Variants in FOXP1 observed in about 807,000 individuals in gnomAD.
FOXP1 encodes the protein forkhead box P1.
Under a neutral mutation model 98.2 loss-of-function variants are expected in FOXP1, and 15 were observed. The ratio of observed to expected loss-of-function variants is 0.15; its 90% CI spans 0.10 to 0.24. The LOEUF (loss-of-function observed/expected upper bound fraction) is 0.24. Ranked by LOEUF, FOXP1 falls within the 10% of genes least tolerant of loss-of-function variation. FOXP1 has a pLI of 1.00. For synonymous variants in FOXP1, 371 were observed against 314.5 expected (o/e 1.18, Z -1.90); for missense variants, 633 against 848.5 (o/e 0.75, Z 3.15).
chr3:71,262,211 A>G lies in FOXP1; in HGVS notation c.-12+37609T>C, dbSNP rs933515574. On this transcript the variant is annotated intron_variant, in intron 5 of 20. Coordinates refer to ENST00000649528, the MANE Select transcript of FOXP1 (RefSeq NM_001349338.3). ...AACCCAGGAGGTGGAGGTTGCAGTG[A>G]GCCAAGATTGCGCCACTGCACTCCA... 3.1e-5 allele frequency among the ~76,000 whole-genome samples: 4 copies of G among 128,348 alleles called. No homozygotes were observed. In the Admixed American group the frequency reaches 3.7e-4, roughly 12 times the overall value. The allele number at this position is 128,348 out of a possible 152,430, so 84.2% of individuals were successfully genotyped here.
At chr3:71,106,438 C>T (rs917857055) in intron 7 of FOXP1, among the ~76,000 whole-genome samples, 23 of 152,176 alleles carry the variant, frequency 1.5e-4, no homozygotes, top group African/African-American at 4.8e-4. Flanking sequence ...CAGGTTCAAG[C>T]GATTCTCCTG....
intron 2 of FOXP1, among the ~76,000 whole-genome samples, chr3:71,573,080 A>G (rs1463180902): frequency 1.3e-5 from 2 of 152,212 alleles, no homozygotes; most frequent in African/African-American, 4.8e-5. Flanking sequence ...ATTACCTTAT[A>G]TTTAAAGAAT....
At chr3:71,276,887 A>C (rs940324028) in intron 5 of FOXP1, among the ~76,000 whole-genome samples, 1 of 151,998 alleles carries the variant, frequency 6.6e-6, no homozygotes, top group Non-Finnish European at 1.5e-5. Context: ...ATCCTTTAAC[A>C]AATCTCTCCG....
chr3:71,335,913 G>T (rs1385364253), intron 4 of FOXP1, among the ~76,000 whole-genome samples: 2 of 149,500 alleles, frequency 1.3e-5, no homozygotes, highest in African/African-American at 4.9e-5. Flanking sequence ...GCTAAGGTAG[G>T]AGACTCAGGC....
intron 3 of FOXP1, among the ~76,000 whole-genome samples, chr3:71,448,876 G>C (rs2086687542): frequency 6.6e-6 from 1 of 152,098 alleles, no homozygotes; most frequent in African/African-American, 2.4e-5. Flanking sequence ...TGGGAATGCC[G>C]GCACACGTCT....
At chr3:71,006,379 A>C (rs1471679855) in intron 12 of FOXP1, among the ~76,000 whole-genome samples, 1 of 152,148 alleles carries the variant, frequency 6.6e-6, no homozygotes, top group East Asian at 1.9e-4. Flanking sequence ...AAATTCCAAC[A>C]CACAATTTCA....
chr3:71,313,246 A>G (rs748601650), intron 4 of FOXP1, among the ~76,000 whole-genome samples: 61 of 151,584 alleles, frequency 4.0e-4, no homozygotes, highest in Admixed American at 6.5e-4. Context: ...TTTTTAGTAG[A>G]GACGGGGTTT....
intron 5 of FOXP1, among the ~76,000 whole-genome samples, chr3:71,268,515 G>A (rs1337108979): frequency 2.0e-5 from 3 of 152,100 alleles, no homozygotes; most frequent in South Asian, 2.1e-4. Context: ...CACACCAGGG[G>A]CGATACTGAG....
chr3:71,361,238 T>C (rs2107911848), intron 3 of FOXP1, among the ~76,000 whole-genome samples: 1 of 152,352 alleles, frequency 6.6e-6, no homozygotes, highest in Non-Finnish European at 1.5e-5. Context: ...ATGACCATTG[T>C]CATCGACTTA....
intron 12 of FOXP1, among the ~76,000 whole-genome samples, chr3:71,006,271 A>T (rs1277697057): frequency 5.3e-5 from 8 of 152,168 alleles, no homozygotes; most frequent in Non-Finnish European, 7.4e-5. Flanking sequence ...TAATAATAAT[A>T]AAAAAATCTA....
chr3:71,501,217 T>C (rs2041316144), intron 2 of FOXP1, among the ~76,000 whole-genome samples: 1 of 152,052 alleles, frequency 6.6e-6, no homozygotes, highest in African/African-American at 2.4e-5. Flanking sequence ...AAAAATGCTC[T>C]TCAACACCTT....
intron 3 of FOXP1, among the ~76,000 whole-genome samples, chr3:71,460,542 T>C (rs758241486): frequency 6.6e-6 from 1 of 152,040 alleles, no homozygotes; most frequent in Non-Finnish European, 1.5e-5. Context: ...GTTCAAGGAA[T>C]TCTCTTGCCT....
chr3:71,487,933 C>T (rs1355573190), intron 3 of FOXP1, among the ~76,000 whole-genome samples: 1 of 151,862 alleles, frequency 6.6e-6, no homozygotes, highest in Non-Finnish European at 1.5e-5. Context: ...TAGCATACAC[C>T]AAGAATCATA....
At chr3:71,046,637 C>A (rs1344115251) in intron 10 of FOXP1, among the ~76,000 whole-genome samples, 1 of 152,154 alleles carries the variant, frequency 6.6e-6, no homozygotes, top group Non-Finnish European at 1.5e-5. Context: ...AACAGAAACA[C>A]TGCAAGAGTC....
At chr3:71,287,016 A>G (rs1480080332) in intron 5 of FOXP1, among the ~76,000 whole-genome samples, 1 of 152,224 alleles carries the variant, frequency 6.6e-6, no homozygotes, top group Admixed American at 6.5e-5. Context: ...GGTATAGAAA[A>G]CACAACAGTG....
chr3:71,512,440 C>T (rs570808538), intron 2 of FOXP1, among the ~76,000 whole-genome samples: 1 of 152,296 alleles, frequency 6.6e-6, no homozygotes, highest in African/African-American at 2.4e-5. Flanking sequence ...GAACTCCTAA[C>T]CTTCCTCCAC....
intron 7 of FOXP1, among the ~76,000 whole-genome samples, chr3:71,086,142 A>G (rs116097889): frequency 0.017 from 2,634 of 152,310 alleles, 29 homozygotes; most frequent in Non-Finnish European, 0.026. Context: ...TCAGGATGAC[A>G]TGGCTGAAAA....
intron 3 of FOXP1, among the ~76,000 whole-genome samples, chr3:71,397,073 T>TATATATATGTGTATATATATATATAC (rs1553871629): frequency 8.0e-4 from 34 of 42,690 alleles, no homozygotes; most frequent in South Asian, 1.7e-3. Flanking sequence ...TATATATATA[T>TATATATATGTGTATATATATATATAC]ACATATATAT....
chr3:71,187,378 G>A (rs2062711898), intron 6 of FOXP1, among the ~76,000 whole-genome samples: 1 of 152,168 alleles, frequency 6.6e-6, no homozygotes, highest in Non-Finnish European at 1.5e-5. Flanking sequence ...CTGAGGTCAG[G>A]AGTTTGAGAC....
Sources: allele counts gnomAD v4.1 joint callset (sites outside exome capture counted in the v4.1 genomes callset), GRCh38; gene constraint gnomAD v4.1.1; transcripts MANE v1.5; gene names NCBI Gene and HGNC (gene_info 2026-07-23, HGNC 2026-07-21).